The following GRID2 variants were observed in gnomAD, a reference collection of about 807,000 sequenced individuals.
The protein encoded by GRID2 is glutamate receptor ionotropic, delta-2.
Under a neutral mutation model 114.8 loss-of-function variants are expected in GRID2, and 33 were observed. That is an observed-to-expected ratio of 0.29 (90% CI 0.22 to 0.38). The LOEUF is 0.38. GRID2 is among the 10% of genes least tolerant of loss of function. The probability of loss-of-function intolerance (pLI) is 1.00; values close to 1 mark genes in which losing one functional copy is unlikely to be tolerated. For missense variants in GRID2, 1,184 were observed against 1,257.7 expected, an observed-to-expected ratio of 0.94 and a Z score of 0.89; for synonymous variants, 505 against 449.9, an observed-to-expected ratio of 1.12 and a Z score of -1.55.
chr4:93,740,651 T>C (rs1007020118), intron 14 of GRID2, among the ~76,000 whole-genome samples: 2 of 152,226 alleles, frequency 1.3e-5, no homozygotes, highest in Admixed American at 1.3e-4. Flanking sequence ...GTCAGTCAAC[T>C]GGTTGTCTCA....
intron 11 of GRID2, among the ~76,000 whole-genome samples, chr4:93,472,429 T>A (rs1421709934): frequency 6.6e-6 from 1 of 152,176 alleles, no homozygotes; most frequent in Non-Finnish European, 1.5e-5. Context: ...ATTAAAAATA[T>A]GAAATACTAC....
intron 14 of GRID2, among the ~76,000 whole-genome samples, chr4:93,741,159 C>CTATATATATATATATA (rs879839195): frequency 1.7e-4 from 8 of 47,186 alleles, no homozygotes; most frequent in Admixed American, 2.9e-4. Flanking sequence ...ACCTGAGAAA[C>CTATATATATATATATA]TATATATATA....
chr4:93,264,055 T>TA (rs1183750250), intron 8 of GRID2, among the ~76,000 whole-genome samples: 1 of 152,186 alleles, frequency 6.6e-6, no homozygotes, highest in Non-Finnish European at 1.5e-5. Flanking sequence ...GCAATGCTAT[T>TA]AACACACAGG....
chr4:92,382,439 C>T lies in GRID2; in HGVS notation c.88+77695C>T, dbSNP rs373192198. 1.1e-4 allele frequency among the ~76,000 whole-genome samples: 17 copies of T among 151,950 alleles called. 1 individual carries two copies. In the South Asian group the frequency reaches 1.2e-3, roughly 11 times the overall value. ...TGCTGTCAGTAAGCCTGATTAATGT[C>T]TTTTTGTTCTTGTTCGATATTTTAC... On this transcript the variant is annotated intron_variant, in intron 1 of 15. Coordinates refer to ENST00000282020, the MANE Select transcript of GRID2 (RefSeq NM_001510.4).
chr4:93,062,513 A>G (rs1040115119), intron 2 of GRID2, among the ~76,000 whole-genome samples: 1 of 152,098 alleles, frequency 6.6e-6, no homozygotes, highest in African/African-American at 2.4e-5. Flanking sequence ...TGTGTTGTGC[A>G]CTAGTTATAC....
chr4:93,596,097 G>A (rs1395241008), intron 13 of GRID2, among the ~76,000 whole-genome samples: 1 of 152,078 alleles, frequency 6.6e-6, no homozygotes, highest in African/African-American at 2.4e-5. Flanking sequence ...TGCACTTTTT[G>A]CTAATTTCCT....
At chr4:93,341,720 G>A (rs1420389861) in intron 8 of GRID2, among the ~76,000 whole-genome samples, 1 of 152,150 alleles carries the variant, frequency 6.6e-6, no homozygotes, top group African/African-American at 2.4e-5. Context: ...AATGGCCACA[G>A]GCTGGGAAAG....
At chr4:93,364,856 G>T (rs1186593861) in intron 8 of GRID2, among the ~76,000 whole-genome samples, 2 of 151,776 alleles carry the variant, frequency 1.3e-5, no homozygotes, top group Non-Finnish European at 2.9e-5. Flanking sequence ...TCTTCTTTTT[G>T]ACCTTTTCTT....
intron 2 of GRID2, among the ~76,000 whole-genome samples, chr4:92,942,495 C>A (rs1209510211): frequency 6.6e-6 from 1 of 152,162 alleles, no homozygotes; most frequent in Non-Finnish European, 1.5e-5. Flanking sequence ...CTGAATACAG[C>A]ACACTGATGG....
chr4:93,002,432 A>C (rs1458056173), intron 2 of GRID2, among the ~76,000 whole-genome samples: 1 of 151,616 alleles, frequency 6.6e-6, no homozygotes, highest in Non-Finnish European at 1.5e-5. Context: ...TGATGGGCCG[A>C]TGACTTCATT....
At chr4:93,024,932 C>G (rs1723748713) in intron 2 of GRID2, among the ~76,000 whole-genome samples, 1 of 151,724 alleles carries the variant, frequency 6.6e-6, no homozygotes, top group African/African-American at 2.4e-5. Context: ...GCTGTTTTAT[C>G]TCTGTGAAGC....
chr4:92,879,524 C>T (rs1745856290), intron 2 of GRID2, among the ~76,000 whole-genome samples: 1 of 152,176 alleles, frequency 6.6e-6, no homozygotes, highest in Non-Finnish European at 1.5e-5. Flanking sequence ...TTTCAAAGCA[C>T]CTTTGTTCTG....
At chr4:93,375,250 A>G (rs192723564) in intron 8 of GRID2, among the ~76,000 whole-genome samples, 16 of 127,460 alleles carry the variant, frequency 1.3e-4, no homozygotes, top group African/African-American at 2.2e-4. Context: ...ATCTCACTCT[A>G]TCGCCCAGGC....
At chr4:93,685,507 G>A (rs2110102997) in intron 14 of GRID2, among the ~76,000 whole-genome samples, 1 of 151,970 alleles carries the variant, frequency 6.6e-6, no homozygotes, top group East Asian at 1.9e-4. Flanking sequence ...TTAACTCTTG[G>A]TAATTTCCAT....
In GRID2 at chr4:92,626,256, C is replaced by T. The variant is rs1017356920; in HGVS notation, c.244+35970C>T. 5.9e-5 allele frequency among the ~76,000 whole-genome samples: 9 copies of T among 151,848 alleles called. No individual in the cohort carries two copies. The South Asian group carries it at 1.0e-3, about 18-fold the overall frequency. On this transcript the variant is annotated intron_variant, in intron 2 of 15. Coordinates refer to ENST00000282020, the MANE Select transcript of GRID2 (RefSeq NM_001510.4). ...TTTTTAAATATTGTGGTAAGAGCATCACACAAAATGTAACCTTTAACAAGG... is the reference window on the plus strand; with the variant it reads ...TTTTTAAATATTGTGGTAAGAGCATTACACAAAATGTAACCTTTAACAAGG...
intron 1 of GRID2, among the ~76,000 whole-genome samples, chr4:92,356,051 G>T (rs1184376908): frequency 6.6e-6 from 1 of 151,582 alleles, no homozygotes; most frequent in Non-Finnish European, 1.5e-5. Flanking sequence ...TTGAAATCTA[G>T]ATCTTATATT....
chr4:92,870,563 T>C (rs568483717), intron 2 of GRID2, among the ~76,000 whole-genome samples: 77 of 152,126 alleles, frequency 5.1e-4, no homozygotes, highest in Non-Finnish European at 8.8e-4. Context: ...TTCAGATATA[T>C]ATTTATTTTA....
chr4:93,556,722 A>G (rs2149553773), intron 13 of GRID2, among the ~76,000 whole-genome samples: 1 of 152,306 alleles, frequency 6.6e-6, no homozygotes. Context: ...AGAGGCCAAC[A>G]TTCAAATTCA....
chr4:93,273,465 C>G (rs1022249906), intron 8 of GRID2, among the ~76,000 whole-genome samples: 2 of 76,760 alleles, frequency 2.6e-5, no homozygotes, highest in Non-Finnish European at 5.0e-5. Flanking sequence ...TAATATCCCC[C>G]CCCCCAAAAA....
Sources: gnomAD v4.1 joint callset for allele counts (sites outside exome capture counted in the v4.1 genomes callset) on GRCh38, gnomAD v4.1.1 for gene constraint, MANE v1.5 for transcripts, NCBI Gene and HGNC (gene_info 2026-07-23, HGNC 2026-07-21) for gene names.